The following C3orf49 variants were observed in gnomAD, a reference collection of about 807,000 sequenced individuals.
C3orf49 encodes the protein chromosome 3 open reading frame 49, also known as putative uncharacterized protein C3orf49.
A neutral mutation model predicts 13.3 loss-of-function variants in C3orf49; 27 were observed. The ratio of observed to expected loss-of-function variants is 2.02; its 90% CI spans 1.49 to 2.79. The LOEUF is 2.79. Ranked by LOEUF, C3orf49 falls within the 30% of genes most tolerant of loss-of-function variation. The pLI is 0.00. For synonymous variants in C3orf49, 87 were observed against 47.6 expected (o/e 1.83, Z -3.40); for missense variants, 242 against 134.2 (o/e 1.80, Z -3.97).
the C3orf49 span, among the ~76,000 whole-genome samples, chr3:63,787,872 T>C: frequency 6.6e-6 from 1 of 152,158 alleles, no homozygotes; most frequent in African/African-American, 2.4e-5. Context: ...GGAGAATGTG[T>C]GTCAAAAGGA....
At chr3:63,783,281 G>A in the C3orf49 span, among the ~76,000 whole-genome samples, 2 of 152,142 alleles carry the variant, frequency 1.3e-5, no homozygotes, top group East Asian at 3.9e-4. Flanking sequence ...AACTAAACCA[G>A]TTTTCAATAT....
intron 5 of C3orf49, among the ~76,000 whole-genome samples, chr3:63,833,248 C>T (rs1701557784): frequency 6.6e-6 from 1 of 152,030 alleles, no homozygotes; most frequent in Non-Finnish European, 1.5e-5. Flanking sequence ...AGGCATGTGC[C>T]ACCACACCTG....
chr3:63,820,065 G>T (rs548022103), intron 1 of C3orf49, among the ~76,000 whole-genome samples: 1 of 152,150 alleles, frequency 6.6e-6, no homozygotes, highest in African/African-American at 2.4e-5. Context: ...AACTGCCTTA[G>T]ACTTGCTATT....
chr3:63,786,350 GA>G, the C3orf49 span, among the ~76,000 whole-genome samples: 1 of 152,052 alleles, frequency 6.6e-6, no homozygotes, highest in South Asian at 2.1e-4. Context: ...TTCAAGAATA[GA>G]AAAATGAATT....
intron 1 of C3orf49, among the ~76,000 whole-genome samples, chr3:63,820,276 T>G (rs1701376511): frequency 6.6e-6 from 1 of 152,148 alleles, no homozygotes; most frequent in African/African-American, 2.4e-5. Context: ...GCTTGTGAAC[T>G]TCCATGGACA....
the C3orf49 span, among the ~76,000 whole-genome samples, chr3:63,800,982 C>T: frequency 2.0e-5 from 3 of 152,148 alleles, no homozygotes; most frequent in African/African-American, 7.2e-5. Context: ...AGCAAATGCT[C>T]ATCAAGTGTC....
chr3:63,835,537 T>G, intron 5 of C3orf49: 1 of 576,662 alleles, frequency 1.7e-6, no homozygotes. Context: ...GTGAAACTTT[T>G]AAAGCTGAGG....
chr3:63,788,134 C>T, the C3orf49 span, among the ~76,000 whole-genome samples: 1 of 152,140 alleles, frequency 6.6e-6, no homozygotes, highest in Non-Finnish European at 1.5e-5. Flanking sequence ...ATAAAAATAA[C>T]AACAGTGATA....
At chr3:63,831,414 T>C (rs914980919) in intron 4 of C3orf49, among the ~76,000 whole-genome samples, 191 bp downstream of exon 4, 22 of 152,240 alleles carry the variant, frequency 1.4e-4, no homozygotes, top group African/African-American at 5.3e-4. Context: ...TGATGCTGTG[T>C]ACCTGATAAA....
intron 5 of C3orf49, among the ~76,000 whole-genome samples, chr3:63,833,388 C>T (rs1318027766): frequency 6.6e-6 from 1 of 152,134 alleles, no homozygotes; most frequent in Non-Finnish European, 1.5e-5. Flanking sequence ...TGTGAGCCAC[C>T]ATGCCTGGCC....
At chr3:63,835,236 G>A in intron 5 of C3orf49, 1 of 1,613,238 alleles carries the variant, frequency 6.2e-7, no homozygotes, top group Admixed American at 1.7e-5. Flanking sequence ...GTGTTAACAA[G>A]AAAAAAATTT....
intron 5 of C3orf49, among the ~76,000 whole-genome samples, chr3:63,834,927 T>G (rs1189365728): frequency 6.6e-6 from 1 of 152,194 alleles, no homozygotes; most frequent in Non-Finnish European, 1.5e-5. Context: ...TGAATTTTTC[T>G]TAATTTAAAC....
intron 5 of C3orf49, among the ~76,000 whole-genome samples, chr3:63,833,392 C>T (rs751911029): frequency 3.9e-5 from 6 of 152,116 alleles, no homozygotes; most frequent in Non-Finnish European, 7.4e-5. Flanking sequence ...AGCCACCATG[C>T]CTGGCCTACG....
intron 5 of C3orf49, among the ~76,000 whole-genome samples, chr3:63,840,904 C>T (rs578091179): frequency 8.5e-5 from 13 of 152,320 alleles, no homozygotes; most frequent in Admixed American, 7.8e-4. Context: ...AAACACACTA[C>T]CATTCTGACC....
the C3orf49 span, among the ~76,000 whole-genome samples, chr3:63,794,225 A>G: frequency 6.6e-6 from 1 of 150,984 alleles, no homozygotes; most frequent in Non-Finnish European, 1.5e-5. Flanking sequence ...AAGAACGAAC[A>G]TGCAATTACT....
intron 5 of C3orf49, chr3:63,838,227 T>C (rs1481514389): frequency 1.1e-6 from 1 of 907,712 alleles, no homozygotes; most frequent in Non-Finnish European, 1.6e-6. Context: ...AATACACATT[T>C]TTTATAGCTA....
intron 5 of C3orf49, chr3:63,838,324 T>C (rs747905880): frequency 5.4e-6 from 7 of 1,302,558 alleles, no homozygotes; most frequent in Non-Finnish European, 6.4e-6. Flanking sequence ...TTGTTTCCTT[T>C]AGACCATAAA....
At chr3:63,781,580 G>T in the C3orf49 span, among the ~76,000 whole-genome samples, 1 of 152,162 alleles carries the variant, frequency 6.6e-6, no homozygotes, top group East Asian at 1.9e-4. Context: ...ATTACCTTGG[G>T]CAGTATGTGT....
intron 5 of C3orf49, chr3:63,832,858 T>C (rs758959448): frequency 2.6e-5 from 4 of 152,144 alleles, no homozygotes; most frequent in Non-Finnish European, 5.9e-5. Context: ...TTAATATGAC[T>C]ACAACTGAGC....
Sources: allele counts gnomAD v4.1 joint callset (sites outside exome capture counted in the v4.1 genomes callset), GRCh38; gene constraint gnomAD v4.1.1; transcripts MANE v1.5; gene names NCBI Gene and HGNC (gene_info 2026-07-23, HGNC 2026-07-21).